The following LRRC9 variants were observed in gnomAD, a reference collection of about 807,000 sequenced individuals.
LRRC9 encodes leucine rich repeat containing 9, also known as leucine-rich repeat-containing protein 9.
Under a neutral mutation model 63.2 loss-of-function variants are expected in LRRC9, and 122 were observed. The ratio of observed to expected loss-of-function variants is 1.93; its 90% CI spans 1.67 to 2.24. The LOEUF is 2.24. Ranked by LOEUF, LRRC9 falls within the 30% of genes most tolerant of loss-of-function variation. LRRC9 has a pLI of 0.00. For missense variants in LRRC9, 1,071 were observed against 627.7 expected (o/e 1.71, Z -7.55); for synonymous variants, 366 against 213.1 (o/e 1.72, Z -6.25).
In LRRC9 at chr14:59,945,786, TA is replaced by T. The variant is rs759871459; in HGVS notation, c.882+1045del. Among the ~76,000 whole-genome samples, 192 of 152,026 alleles carry T rather than the reference TA, an allele frequency of 1.3e-3. 2 individuals are homozygous for T. Among genetic ancestry groups the T allele is most frequent in the Middle Eastern group, 3.4e-3 (1 of 294 alleles). ...AAATAGAAAAATTGAGCAAAGTACA[TA>T]AACTAGAATTTTACAAGAGTAGAAA... On this transcript the variant is annotated intron_variant, in intron 8 of 31. Transcript: ENST00000445360.
At chr14:60,033,960 AT>A (rs1224152680) in intron 29 of LRRC9, among the ~76,000 whole-genome samples, 2 of 146,580 alleles carry the variant, frequency 1.4e-5, no homozygotes, top group African/African-American at 5.1e-5. Flanking sequence ...TTAAAAAGTT[AT>A]TCTGAGAAGT....
intron 28 of LRRC9, among the ~76,000 whole-genome samples, chr14:60,029,825 C>T (rs1310603843): frequency 1.6e-4 from 24 of 152,006 alleles, no homozygotes; most frequent in Non-Finnish European, 1.6e-4. Flanking sequence ...TATTTAATGA[C>T]CAGCTCTTCT....
chr14:59,951,549 G>A (rs1364865099), intron 8 of LRRC9, among the ~76,000 whole-genome samples: 3 of 147,070 alleles, frequency 2.0e-5, no homozygotes, highest in African/African-American at 5.1e-5. Context: ...GAGGAACTGC[G>A]TTCCTTTGGA....
intron 15 of LRRC9, among the ~76,000 whole-genome samples, chr14:59,980,511 T>C (rs1050782431): frequency 1.1e-4 from 16 of 152,186 alleles, no homozygotes; most frequent in South Asian, 2.1e-4. Flanking sequence ...TTAGAATAGC[T>C]TGTCAAGCTC....
intron 3 of LRRC9, among the ~76,000 whole-genome samples, chr14:59,929,421 A>G (rs1202884511): frequency 6.6e-6 from 1 of 151,638 alleles, no homozygotes; most frequent in Non-Finnish European, 1.5e-5. Context: ...AGTCAAAAAA[A>G]AAATAACAGA....
At chr14:59,984,628 C>G (rs1288273035) in intron 16 of LRRC9, among the ~76,000 whole-genome samples, 1 of 152,158 alleles carries the variant, frequency 6.6e-6, no homozygotes, top group Non-Finnish European at 1.5e-5. Context: ...CCTCCTTTGA[C>G]CTTCTGTCCT....
intron 8 of LRRC9, among the ~76,000 whole-genome samples, chr14:59,957,449 A>T (rs1883885579): frequency 6.6e-6 from 1 of 151,938 alleles, no homozygotes; most frequent in African/African-American, 2.4e-5. Context: ...TGCTTCATGA[A>T]GTTCTTATGC....
intron 29 of LRRC9, among the ~76,000 whole-genome samples, chr14:60,039,378 G>T (rs990475390): frequency 3.9e-5 from 6 of 152,108 alleles, no homozygotes; most frequent in Non-Finnish European, 8.8e-5. Context: ...ATTTGGCTGC[G>T]AATCCTTCTG....
chr14:59,984,012 G>A (rs1454569284), intron 16 of LRRC9, among the ~76,000 whole-genome samples: 3 of 152,224 alleles, frequency 2.0e-5, no homozygotes, highest in African/African-American at 7.2e-5. Flanking sequence ...ACTGATAGTG[G>A]TGATATAACG....
intron 26 of LRRC9, 26 bp from the exon 27 acceptor site, chr14:60,022,708 G>T: frequency 1.8e-6 from 1 of 564,566 alleles, no homozygotes; most frequent in South Asian, 2.5e-5. Context: ...TAAGTTTATG[G>T]CCTCAAACTT....
At chr14:59,960,288 A>G (rs1479286523) in intron 9 of LRRC9, among the ~76,000 whole-genome samples, 2 of 152,212 alleles carry the variant, frequency 1.3e-5, no homozygotes, top group African/African-American at 4.8e-5. Context: ...AGTGTCTGCA[A>G]ACTAAAAACA....
intron 26 of LRRC9, among the ~76,000 whole-genome samples, chr14:60,020,526 CAAT>C: frequency 6.6e-6 from 1 of 151,822 alleles, no homozygotes; most frequent in East Asian, 1.9e-4. Context: ...GTGTATAATT[CAAT>C]AATTTTACTA....
At chr14:60,059,196 TGAC>T (rs570598450) in intron 31 of LRRC9, 26 of 152,310 alleles carry the variant, frequency 1.7e-4, no homozygotes, top group African/African-American at 5.8e-4. Context: ...TGTAGGTTTG[TGAC>T]AACCCTGCAT....
chr14:59,951,592 A>G lies in LRRC9; in HGVS notation c.882+6848A>G, dbSNP rs1316492126. The stretch of plus-strand genomic sequence containing the variant: ...AGGCGCTCTGCGTTTTAGAGTTTCC[A>G]GTTTTTCTGTTCTGTTTTTTCCCCA... On this transcript the variant is annotated intron_variant, in intron 8 of 31. Transcript: ENST00000445360. Among the ~76,000 whole-genome samples the G allele has an allele frequency of 8.2e-5, 12 of 146,272 alleles. 1 individual carries two copies. Among genetic ancestry groups the G allele is most frequent in the African/African-American group, 2.8e-4 (11 of 39,148 alleles).
At chr14:59,924,679 G>C (rs144779710) in intron 1 of LRRC9, among the ~76,000 whole-genome samples, 227 of 152,184 alleles carry the variant, frequency 1.5e-3, no homozygotes, top group African/African-American at 5.1e-3. Flanking sequence ...GACAGTTCTT[G>C]TTACTCTTCA....
At chr14:59,946,650 T>G in intron 8 of LRRC9, among the ~76,000 whole-genome samples, 1 of 124,264 alleles carries the variant, frequency 8.0e-6, no homozygotes, top group South Asian at 3.2e-4. Flanking sequence ...GTGCTATCCC[T>G]CCCCCCTCCC....
downstream of LRRC9, among the ~76,000 whole-genome samples, chr14:60,066,069 C>T (rs888536947): frequency 6.6e-6 from 1 of 152,028 alleles, no homozygotes; most frequent in Non-Finnish European, 1.5e-5. Context: ...CCTCCTGCCT[C>T]GGCTCCCGCA....
intron 31 of LRRC9, 113 bp from the exon 32 acceptor site, chr14:60,061,898 T>G (rs1894677848): frequency 2.5e-6 from 1 of 395,576 alleles, no homozygotes; most frequent in African/African-American, 2.1e-5. Context: ...AAACATGTAT[T>G]GCATACATTC....
chr14:60,005,959 T>C (rs72718042), intron 21 of LRRC9, among the ~76,000 whole-genome samples: 2,153 of 152,254 alleles, frequency 0.014, 29 homozygotes, highest in Non-Finnish European at 0.02. Flanking sequence ...GGCTAGATTG[T>C]TCATTTTAAT....
Sources: allele counts gnomAD v4.1 joint callset (sites outside exome capture counted in the v4.1 genomes callset), GRCh38; gene constraint gnomAD v4.1.1; transcripts MANE v1.5; gene names NCBI Gene and HGNC (gene_info 2026-07-23, HGNC 2026-07-21).